HYCC1: variants seen among roughly 807,000 people sequenced by gnomAD.
HYCC1 encodes hyccin.
the HYCC1 span, among the ~76,000 whole-genome samples, chr7:22,950,087 A>G: frequency 6.6e-6 from 1 of 151,984 alleles, no homozygotes; most frequent in South Asian, 2.1e-4. Context: ...TTCTTTCCCT[A>G]TATAACTCTG....
chr7:22,924,551 C>T, the HYCC1 span, among the ~76,000 whole-genome samples: 42 of 152,344 alleles, frequency 2.8e-4, no homozygotes, highest in South Asian at 3.3e-3. Context: ...CACATGGCTC[C>T]GAGGGTCCTA....
At chr7:22,909,166 TG>T in the HYCC1 span, among the ~76,000 whole-genome samples, 1 of 152,182 alleles carries the variant, frequency 6.6e-6, no homozygotes. Context: ...AGGTGGGGCC[TG>T]GGGGAAAGTG....
chr7:23,007,155 G>A, the HYCC1 span, among the ~76,000 whole-genome samples: 12 of 152,074 alleles, frequency 7.9e-5, no homozygotes, highest in African/African-American at 2.9e-4. Flanking sequence ...ATATAACAGG[G>A]TTACCAAAAA....
At chr7:22,998,731 C>A in the HYCC1 span, among the ~76,000 whole-genome samples, 1 of 152,132 alleles carries the variant, frequency 6.6e-6, no homozygotes, top group Non-Finnish European at 1.5e-5. Context: ...AGCCTTCTGG[C>A]TCCTGATTTC....
the HYCC1 span, among the ~76,000 whole-genome samples, chr7:22,975,588 C>A: frequency 1.3e-5 from 2 of 152,114 alleles, no homozygotes; most frequent in South Asian, 4.1e-4. Flanking sequence ...CAACCACATG[C>A]CAAAACTTGA....
chr7:22,898,839 G>C, the HYCC1 span, among the ~76,000 whole-genome samples: 1 of 152,026 alleles, frequency 6.6e-6, no homozygotes, highest in Non-Finnish European at 1.5e-5. Flanking sequence ...CTGACCTTGT[G>C]ATCTGCCCGC....
At chr7:22,897,542 G>T in the HYCC1 span, among the ~76,000 whole-genome samples, 1 of 152,220 alleles carries the variant, frequency 6.6e-6, no homozygotes, top group African/African-American at 2.4e-5. Flanking sequence ...CGGCACTGTT[G>T]TGAGAATTAA....
chr7:22,946,177 T>C, the HYCC1 span: 1 of 1,602,882 alleles, frequency 6.2e-7, no homozygotes, highest in Non-Finnish European at 8.5e-7. Flanking sequence ...AACAAAGAAA[T>C]GACAAAGATT....
the HYCC1 span, among the ~76,000 whole-genome samples, chr7:23,002,357 C>G: frequency 2.6e-5 from 4 of 151,774 alleles, no homozygotes; most frequent in Non-Finnish European, 5.9e-5. Context: ...AGATTATACA[C>G]AAGCAATTAG....
chr7:22,901,221 CAAAAAA>C, the HYCC1 span, among the ~76,000 whole-genome samples: 9 of 21,506 alleles, frequency 4.2e-4, no homozygotes, highest in Admixed American at 1.6e-3. Context: ...GACCCTGTCT[CAAAAAA>C]AAAAAAAAAA....
the HYCC1 span, among the ~76,000 whole-genome samples, chr7:22,915,458 C>T: frequency 1.3e-5 from 2 of 152,204 alleles, no homozygotes; most frequent in Non-Finnish European, 2.9e-5. Flanking sequence ...AAGCCATGTC[C>T]CATCTGTGCA....
chr7:22,901,354 GA>G, the HYCC1 span, among the ~76,000 whole-genome samples: 16 of 144,566 alleles, frequency 1.1e-4, no homozygotes, highest in African/African-American at 3.3e-4. Context: ...ACTAAAAATA[GA>G]AAAAAATAGA....
At chr7:22,929,986 T>C in the HYCC1 span, among the ~76,000 whole-genome samples, 1 of 152,066 alleles carries the variant, frequency 6.6e-6, no homozygotes, top group East Asian at 1.9e-4. Flanking sequence ...ATGTGGTACA[T>C]ATACACCATG....
the HYCC1 span, chr7:22,935,168 T>C: frequency 6.6e-6 from 1 of 152,264 alleles, no homozygotes; most frequent in Non-Finnish European, 1.5e-5. Context: ...TAAGCAATTT[T>C]ACCCAAAGCT....
At chr7:22,966,716 C>T in the HYCC1 span, among the ~76,000 whole-genome samples, 1 of 152,166 alleles carries the variant, frequency 6.6e-6, no homozygotes, top group Non-Finnish European at 1.5e-5. Context: ...TAAGCCTTCA[C>T]TTTAAAATGT....
At chr7:22,916,287 G>C in the HYCC1 span, among the ~76,000 whole-genome samples, 1 of 152,008 alleles carries the variant, frequency 6.6e-6, no homozygotes, top group Non-Finnish European at 1.5e-5. Flanking sequence ...CACCCATGGT[G>C]CCTAACCCAT....
At chr7:22,987,786 C>T in the HYCC1 span, among the ~76,000 whole-genome samples, 1 of 152,006 alleles carries the variant, frequency 6.6e-6, no homozygotes, top group Non-Finnish European at 1.5e-5. Context: ...TGCCCAACAT[C>T]ATAAAACCAG....
At chr7:22,985,107 CCT>C in the HYCC1 span, among the ~76,000 whole-genome samples, 1,513 of 152,274 alleles carry the variant, frequency 9.9e-3, 26 homozygotes, top group African/African-American at 0.033. Flanking sequence ...CAAATTACTT[CCT>C]TCAGTCAGTC....
chr7:22,991,131 A>G, the HYCC1 span: 1 of 1,600,452 alleles, frequency 6.2e-7, no homozygotes, highest in Non-Finnish European at 8.6e-7. Context: ...TCTGTTCTAA[A>G]CCTTCAACCT....
Sources: gnomAD v4.1 joint callset for allele counts (sites outside exome capture counted in the v4.1 genomes callset) on GRCh38, gnomAD v4.1.1 for gene constraint, MANE v1.5 for transcripts, NCBI Gene and HGNC (gene_info 2026-07-23, HGNC 2026-07-21) for gene names.